Variants in GLIS3 observed in about 807,000 individuals in gnomAD.
GLIS3 encodes the protein GLIS family zinc finger 3.
In GLIS3, 53 loss-of-function variants were observed where a neutral mutation model predicts 78.6. The ratio of observed to expected loss-of-function variants is 0.67; its 90% CI spans 0.54 to 0.85. The LOEUF (loss-of-function observed/expected upper bound fraction) is 0.85. Ranked by LOEUF, GLIS3 falls within the 40% of genes least tolerant of loss-of-function variation. GLIS3 has a pLI of 0.00. For synonymous variants in GLIS3, 684 were observed against 509.9 expected (o/e 1.34, Z -4.60); for missense variants, 1,703 against 1,231.1 (o/e 1.38, Z -5.74).
chr9:4,332,150 C>T (rs1337647735), intron 2 of GLIS3, among the ~76,000 whole-genome samples: 24 of 152,202 alleles, frequency 1.6e-4, no homozygotes. Flanking sequence ...TCCATTCCAG[C>T]TTATCTAAAT....
At chr9:3,971,074 TGAAG>T (rs1261142723) in intron 4 of GLIS3, among the ~76,000 whole-genome samples, 8 of 72,664 alleles carry the variant, frequency 1.1e-4, no homozygotes, top group African/African-American at 4.6e-4. Flanking sequence ...AAGGATTAAT[TGAAG>T]GAAGGAAGGA....
chr9:4,319,957 T>C (rs144841400), intron 2 of GLIS3, among the ~76,000 whole-genome samples: 1 of 151,868 alleles, frequency 6.6e-6, no homozygotes, highest in Non-Finnish European at 1.5e-5. Context: ...ATAGAATTGG[T>C]CCTTACAGTA....
chr9:3,980,936 CGG>C, intron 4 of GLIS3, among the ~76,000 whole-genome samples: 1 of 152,280 alleles, frequency 6.6e-6, no homozygotes, highest in Middle Eastern at 3.4e-3. Context: ...ATTTACTACA[CGG>C]TTTCTCTCGA....
chr9:4,086,278 A>T (rs1829013447), intron 4 of GLIS3, among the ~76,000 whole-genome samples: 1 of 152,102 alleles, frequency 6.6e-6, no homozygotes, highest in African/African-American at 2.4e-5. Context: ...AAGAATCATG[A>T]CCTCTATGAA....
chr9:4,233,171 C>T (rs1822424464), intron 2 of GLIS3, among the ~76,000 whole-genome samples: 1 of 152,194 alleles, frequency 6.6e-6, no homozygotes, highest in African/African-American at 2.4e-5. Context: ...GATCTTCAAA[C>T]CTGACAGATG....
At chr9:4,447,667 G>A in the GLIS3 span, among the ~76,000 whole-genome samples, 4 of 152,138 alleles carry the variant, frequency 2.6e-5, no homozygotes, top group Admixed American at 6.5e-5. Flanking sequence ...TTTGCCTCCA[G>A]GTACTGCTGA....
At chr9:4,362,249 C>T in the GLIS3 span, among the ~76,000 whole-genome samples, 56,243 of 151,446 alleles carry the variant, frequency 0.37, 10,603 homozygotes, top group South Asian at 0.46. Context: ...TTTTTCCTTA[C>T]TTCTTTCCTT....
intron 2 of GLIS3, among the ~76,000 whole-genome samples, chr9:4,187,939 C>G (rs1421023036): frequency 1.3e-5 from 2 of 152,050 alleles, no homozygotes; most frequent in African/African-American, 2.4e-5. Flanking sequence ...ATGTCATCTG[C>G]AAACAGGGAC....
chr9:4,038,651 G>A (rs530500076), intron 4 of GLIS3, among the ~76,000 whole-genome samples: 3 of 152,322 alleles, frequency 2.0e-5, no homozygotes, highest in South Asian at 2.1e-4. Flanking sequence ...CACTGTGCTA[G>A]CATGTTATAA....
chr9:3,975,634 A>T (rs1478463596), intron 4 of GLIS3, among the ~76,000 whole-genome samples: 1 of 152,074 alleles, frequency 6.6e-6, no homozygotes. Context: ...AAAAAGTCTA[A>T]AATAGACTAG....
At chr9:4,453,487 A>G in the GLIS3 span, among the ~76,000 whole-genome samples, 2 of 152,208 alleles carry the variant, frequency 1.3e-5, no homozygotes, top group African/African-American at 2.4e-5. Context: ...TTTACAAGAA[A>G]AAAACAACCC....
the GLIS3 span, among the ~76,000 whole-genome samples, chr9:4,479,162 G>C: frequency 6.6e-6 from 1 of 152,168 alleles, no homozygotes; most frequent in African/African-American, 2.4e-5. Context: ...CTGGGCTTGA[G>C]CAGTCCACCT....
At chr9:4,331,630 A>C (rs899052210) in intron 2 of GLIS3, among the ~76,000 whole-genome samples, 2 of 152,218 alleles carry the variant, frequency 1.3e-5, no homozygotes, top group Non-Finnish European at 2.9e-5. Context: ...GTCAGTGGTA[A>C]ATTCACCCAA....
At chr9:4,298,115 T>C (rs1234959500) in intron 1 of GLIS3, among the ~76,000 whole-genome samples, 1 of 152,086 alleles carries the variant, frequency 6.6e-6, no homozygotes, top group Non-Finnish European at 1.5e-5. Flanking sequence ...AACTCGCTCC[T>C]GAGTGAGTCG....
intron 2 of GLIS3, among the ~76,000 whole-genome samples, chr9:4,337,752 A>C (rs1470027038): frequency 6.6e-6 from 1 of 152,178 alleles, no homozygotes; most frequent in Non-Finnish European, 1.5e-5. Context: ...CAATAGTAGC[A>C]TAATAGTAGA....
chr9:4,377,401 T>C, the GLIS3 span, among the ~76,000 whole-genome samples: 13,016 of 135,208 alleles, frequency 0.096, 3,240 homozygotes, highest in South Asian at 0.21. Context: ...ATCTTGGAGT[T>C]ACACCAGTTG....
At chr9:4,138,907 T>G (rs1272060283) in intron 2 of GLIS3, among the ~76,000 whole-genome samples, 1 of 152,108 alleles carries the variant, frequency 6.6e-6, no homozygotes. Flanking sequence ...AGAGCTACAG[T>G]AGACTTGCAA....
chr9:4,285,779 A>T, intron 2 of GLIS3: 2 of 490,186 alleles, frequency 4.1e-6, no homozygotes, highest in Non-Finnish European at 7.4e-6. Context: ...CTGCCTCCCT[A>T]TTTTTTATCT....
Position 3,944,584 on chromosome 9 carries a change from G to A in GLIS3, c.1711-7395C>T, listed in dbSNP as rs149167577. 1.4e-4 allele frequency among the ~76,000 whole-genome samples: 22 copies of A among 152,310 alleles called. No individual in the cohort carries two copies. The East Asian group carries it at 4.2e-3, about 29-fold the overall frequency. ...ACAACAGTAAGTTTTTGTTGCTGCT[G>A]TTGTTTATTAGCACTGATTTCATGC... On this transcript the variant is annotated intron_variant, in intron 4 of 10. Transcript: ENST00000381971.
Sources: allele counts gnomAD v4.1 joint callset (sites outside exome capture counted in the v4.1 genomes callset), GRCh38; gene constraint gnomAD v4.1.1; transcripts MANE v1.5; gene names NCBI Gene and HGNC (gene_info 2026-07-23, HGNC 2026-07-21).